GRM4: variants seen among roughly 807,000 people sequenced by gnomAD.
GRM4 encodes the protein metabotropic glutamate receptor 4.
Under a neutral mutation model 81.7 loss-of-function variants are expected in GRM4, and 28 were observed. The observed-to-expected ratio is 0.34, with a 90% CI of 0.25 to 0.47. The LOEUF (loss-of-function observed/expected upper bound fraction) is 0.47, where lower values mean the gene tolerates loss of function less well. Ranked by LOEUF, GRM4 falls within the 20% of genes least tolerant of loss-of-function variation. The pLI is 1.00. For synonymous variants in GRM4, 488 were observed against 528.8 expected (o/e 0.92, Z 1.06); for missense variants, 948 against 1,290.0 (o/e 0.73, Z 4.06).
chr6:34,116,740 G>T (rs889933922), intron 2 of GRM4, among the ~76,000 whole-genome samples: 7 of 152,118 alleles, frequency 4.6e-5, no homozygotes, highest in Non-Finnish European at 8.8e-5. Flanking sequence ...ATTCATAATA[G>T]CCAAACACTG....
intron 2 of GRM4, among the ~76,000 whole-genome samples, chr6:34,097,191 G>T (rs1354016696): frequency 2.6e-5 from 4 of 152,152 alleles, no homozygotes; most frequent in Admixed American, 2.6e-4. Context: ...GAGCCAGGAG[G>T]AAAAAGAAAG....
rs1180068581 is a variant in GRM4 at position 34,136,685 on chromosome 6, G to A, written c.-363-2826C>T. Among the ~76,000 whole-genome samples the A allele has an allele frequency of 1.3e-5, 2 of 151,952 alleles. No individual in the cohort carries two copies. Among genetic ancestry groups the A allele is most frequent in the African/African-American group, 4.8e-5 (2 of 41,334 alleles). ...ACCCGCAGATTAGAATCAAGAGCCTGGAGCCTCAAGCTGGTCAGATCCCCT... is the reference window on the plus strand; with the variant it reads ...ACCCGCAGATTAGAATCAAGAGCCTAGAGCCTCAAGCTGGTCAGATCCCCT... On this transcript the variant is annotated intron_variant, in intron 1 of 10. Transcript: ENST00000538487. The surrounding 1 kb of genome is among the most constrained non-coding windows in gnomAD (Gnocchi z 4.1).
Position 34,019,018 on chromosome 6 carries a change from C to T in GRM4, c.*3803G>A, listed in dbSNP as rs77830997. 1,563 of 152,484 alleles carry T rather than the reference C, an allele frequency of 0.01. 14 individuals are homozygous for T. The highest frequency in any genetic ancestry group is 0.019 in the South Asian group (92 of 4,826). 9.4% of individuals were successfully genotyped at this position (152,484 alleles called of 1,614,324 possible). A position where few individuals can be genotyped will look rare whatever the true frequency, so the allele number is the denominator to read the frequency against. ...CCAGTGAGGGTGTCAGAAAGAGGGGCGCCCAGCCTTATGCAGGCTCAGCAT... is the reference window on the plus strand; with the variant it reads ...CCAGTGAGGGTGTCAGAAAGAGGGGTGCCCAGCCTTATGCAGGCTCAGCAT... On this transcript the variant is annotated 3_prime_UTR_variant, in exon 11 of 11. Transcript: ENST00000538487.
At chr6:34,153,171 G>A (rs1006931361) in intron 1 of GRM4, among the ~76,000 whole-genome samples, 3 of 152,076 alleles carry the variant, frequency 2.0e-5, no homozygotes, top group South Asian at 2.1e-4. Context: ...GCTCCCCGAC[G>A]CACACACCCA....
At chr6:34,124,827 A>G (rs1053365148) in intron 2 of GRM4, among the ~76,000 whole-genome samples, 1 of 152,094 alleles carries the variant, frequency 6.6e-6, no homozygotes, top group African/African-American at 2.4e-5. Flanking sequence ...GCCAGCACTC[A>G]TGAACTTGAG....
chr6:34,103,790 G>T, intron 2 of GRM4: 2 of 1,447,822 alleles, frequency 1.4e-6, no homozygotes, highest in South Asian at 2.9e-5. Context: ...CCTCCTTTGT[G>T]AGCCTCAGTC....
intron 6 of GRM4, chr6:34,054,822 G>T (rs1014912867): frequency 6.6e-6 from 1 of 152,018 alleles, no homozygotes; most frequent in African/African-American, 2.4e-5. Context: ...TCTAAATCAG[G>T]GTGCCCATAC....
At chr6:34,132,407 T>C (rs1302988581) in intron 2 of GRM4, among the ~76,000 whole-genome samples, 1 of 152,158 alleles carries the variant, frequency 6.6e-6, no homozygotes, top group South Asian at 2.1e-4. Flanking sequence ...TAATCTCGGG[T>C]AGGGCAGGAG....
At chr6:34,065,383 A>G (rs965517382) in intron 3 of GRM4, among the ~76,000 whole-genome samples, 3 of 139,760 alleles carry the variant, frequency 2.1e-5, no homozygotes, top group Non-Finnish European at 3.0e-5. Flanking sequence ...TGAATAAAGT[A>G]AGAATCCATG....
intron 9 of GRM4, 100 bp from the exon 10 acceptor site, chr6:34,028,466 C>T: frequency 1.5e-6 from 2 of 1,336,038 alleles, no homozygotes; most frequent in Non-Finnish European, 2.0e-6. Context: ...ATCCCGCTGC[C>T]TTCAGGCAGA....
At chr6:34,084,049 T>A (rs895745747) in intron 3 of GRM4, among the ~76,000 whole-genome samples, 1 of 152,156 alleles carries the variant, frequency 6.6e-6, no homozygotes, top group Non-Finnish European at 1.5e-5. Flanking sequence ...TAGTTTTCAG[T>A]GGGTGTCTGA....
intron 2 of GRM4, among the ~76,000 whole-genome samples, chr6:34,095,823 G>A (rs1768488652): frequency 1.3e-5 from 2 of 152,346 alleles, no homozygotes; most frequent in South Asian, 2.1e-4. Context: ...ACCCTGGAGT[G>A]GAGGGATCGG....
Position 34,092,157 on chromosome 6 carries a change from GC to G in GRM4, c.520-59del. 1.7e-6 allele frequency: 2 copies of G among 1,207,888 alleles called. No individual in the cohort carries two copies. Among genetic ancestry groups the G allele is most frequent in the Non-Finnish European group, 1.2e-6 (1 of 833,008 alleles). 74.8% of individuals were successfully genotyped at this position (1,207,888 alleles called of 1,614,324 possible). A position where few individuals can be genotyped will look rare whatever the true frequency, so the allele number is the denominator to read the frequency against. ...ACTGGCTCCCCACCCTGCCTAGCCAGCCCCATTCCCCTACACACCAACCTCC... is the reference window on the plus strand; with the variant it reads ...ACTGGCTCCCCACCCTGCCTAGCCAGCCCATTCCCCTACACACCAACCTCC... On this transcript the variant is annotated intron_variant, in intron 2 of 10. Coordinates refer to ENST00000538487, the MANE Select transcript of GRM4 (RefSeq NM_000841.4). This position sits in a 1 kb window ranked among gnomAD's most constrained non-coding sequence, Gnocchi z 6.8.
At chr6:34,141,373 G>A (rs571067242) in intron 1 of GRM4, among the ~76,000 whole-genome samples, 4 of 152,234 alleles carry the variant, frequency 2.6e-5, no homozygotes, top group Admixed American at 6.5e-5. Flanking sequence ...CCCAAATGGC[G>A]TGGGCTGGCA....
Position 34,020,875 on chromosome 6 carries a change from C to T in GRM4, c.*1946G>A, listed in dbSNP as rs538282493. ...CCTCAGTTATACACACACTCTCATA[C>T]TCTGTCCCTGCGTGGCCCCCTGCCT... On this transcript the variant is annotated 3_prime_UTR_variant, in exon 11 of 11. Transcript: ENST00000538487. 2.6e-5 allele frequency: 4 copies of T among 152,480 alleles called. No homozygotes were observed. Among genetic ancestry groups the T allele is most frequent in the African/African-American group, 9.6e-5 (4 of 41,566 alleles). 9.4% of individuals were successfully genotyped at this position (152,480 alleles called of 1,614,324 possible).
chr6:34,040,308 G>T lies in GRM4; in HGVS notation c.1376C>A (p.Ala459Glu). The T allele has an allele frequency of 6.2e-7, 1 of 1,614,086 alleles. No homozygotes were observed. The highest frequency in any genetic ancestry group is 1.3e-5 in the African/African-American group (1 of 75,078). Residue 459 changes from alanine to glutamate, a missense_variant, in exon 8 of 11, where the codon GCA becomes GAA. Physicochemically the swap from Ala to Glu is moderately radical, Grantham distance 107. Coordinates refer to ENST00000538487, the MANE Select transcript of GRM4 (RefSeq NM_000841.4). ...CTCATTGAAGGTCACAGGGTTCCCT[G>T]CGATGCCTGTAAGGGTGGGCGGGTG... ...YIRNVNFSGI[A>E]GNPVTFNENG...
intron 6 of GRM4, among the ~76,000 whole-genome samples, chr6:34,051,841 G>A (rs1270676524): frequency 1.3e-5 from 2 of 152,210 alleles, no homozygotes; most frequent in Admixed American, 6.5e-5. Context: ...TGGGAGAATG[G>A]GAGGGGATAA....
Position 34,036,168 on chromosome 6 carries a change from C to T in GRM4, c.1942G>A (p.Asp648Asn), listed in dbSNP as rs150458970. Reference protein sequence around the residue: ...ATTFLMIAEPDLGTCSLRRIF... With the variant: ...ATTFLMIAEPNLGTCSLRRIF... ...CGGCGCAGCGAGCAGGTGCCAAGGTCGGGCTCAGCGATCATGAGGAAGGTG... is the reference window on the plus strand; with the variant it reads ...CGGCGCAGCGAGCAGGTGCCAAGGTTGGGCTCAGCGATCATGAGGAAGGTG... Residue 648 changes from aspartate (D) to asparagine (N), a missense_variant, in exon 9 of 11, where the codon GAC becomes AAC. Transcript: ENST00000538487. The surrounding 1 kb of genome is among the most constrained non-coding windows in gnomAD (Gnocchi z 9.0). The T allele has an allele frequency of 6.4e-5, 104 of 1,614,174 alleles. No individual in the cohort carries two copies. The highest frequency in any genetic ancestry group is 1.6e-4 in the Middle Eastern group (1 of 6,062).
chr6:34,044,645 TATAC>T (rs1437798110), intron 6 of GRM4, among the ~76,000 whole-genome samples: 1 of 117,360 alleles, frequency 8.5e-6, no homozygotes, highest in Non-Finnish European at 1.8e-5. Flanking sequence ...CACACACACA[TATAC>T]ATACATACAC....
Sources: gnomAD v4.1 joint callset for allele counts (sites outside exome capture counted in the v4.1 genomes callset) on GRCh38, gnomAD v4.1.1 for gene constraint, Gnocchi (gnomAD v3.1) non-coding constraint, MANE v1.5 for transcripts, NCBI Gene and HGNC (gene_info 2026-07-23, HGNC 2026-07-21) for gene names.